Variants in LRRFIP1 observed in about 807,000 individuals in gnomAD.
LRRFIP1 encodes leucine-rich repeat flightless-interacting protein 1.
In LRRFIP1, 62 loss-of-function variants were observed where a neutral mutation model predicts 104.4. That is an observed-to-expected ratio of 0.59 (90% CI 0.48 to 0.73). LRRFIP1 has a LOEUF of 0.73. Among genes scored for constraint, LRRFIP1 ranks in the 30% least tolerant of loss-of-function variants. The pLI, the probability that LRRFIP1 is intolerant of heterozygous loss-of-function variation, is 0.00. For missense variants in LRRFIP1, 796 were observed against 824.5 expected (o/e 0.97, Z 0.42); for synonymous variants, 300 against 299.0 (o/e 1.00, Z -0.03).
At chr2:237,660,565 C>T (rs762203888) in intron 1 of LRRFIP1, among the ~76,000 whole-genome samples, 6 of 152,208 alleles carry the variant, frequency 3.9e-5, no homozygotes, top group Non-Finnish European at 7.3e-5. Context: ...CTGTTTAACC[C>T]GGAAGTTCTA....
chr2:237,739,188 C>T (rs764477299), intron 10 of LRRFIP1, 44 bp from the exon 11 acceptor site: 78 of 1,523,552 alleles, frequency 5.1e-5, no homozygotes. Context: ...TGACCCTGTT[C>T]CTTTGTTTCT....
intron 15 of LRRFIP1, among the ~76,000 whole-genome samples, chr2:237,753,922 T>G (rs997262552): frequency 3.3e-5 from 5 of 152,062 alleles, no homozygotes; most frequent in Non-Finnish European, 5.9e-5. Context: ...TTTTATATTT[T>G]TAAACAATGG....
chr2:237,710,320 G>C (rs1415972549), intron 2 of LRRFIP1, among the ~76,000 whole-genome samples: 1 of 143,702 alleles, frequency 7.0e-6, no homozygotes, highest in Non-Finnish European at 1.5e-5. Flanking sequence ...ATCTTGCTTT[G>C]TCGCCCAGGC....
At chr2:237,746,259 G>A (rs747155386) in intron 11 of LRRFIP1, among the ~76,000 whole-genome samples, 86 of 152,098 alleles carry the variant, frequency 5.7e-4, no homozygotes, top group East Asian at 4.3e-3. Context: ...GGGTTTCGCC[G>A]TGTTGGCCAG....
chr2:237,667,975 A>G (rs2089725236), intron 1 of LRRFIP1, among the ~76,000 whole-genome samples: 1 of 152,034 alleles, frequency 6.6e-6, no homozygotes. Context: ...ATTTGGCTTT[A>G]CAACCCCTGG....
rs2094393884 is a variant in LRRFIP1, at chr2:237,717,710, C to G, written c.202-52C>G. 1 of 1,402,154 alleles carries G rather than the reference C, an allele frequency of 7.1e-7. No individual in the cohort carries two copies. Among genetic ancestry groups the G allele is most frequent in the African/African-American group, 1.4e-5 (1 of 70,666 alleles). 86.9% of individuals were successfully genotyped at this position (1,402,154 alleles called of 1,614,324 possible). A position where few individuals can be genotyped will look rare whatever the true frequency, so the allele number is the denominator to read the frequency against. On this transcript the variant is annotated intron_variant, in intron 3 of 23. Transcript: ENST00000308482. This position sits in a 1 kb window ranked among gnomAD's most constrained non-coding sequence, Gnocchi z 4.2. Reference sequence around the variant, plus strand: ...TCAGAACAGTGCCTTAGACAACTGCCTTTTTAAGAAATTTCACTTCTTGCC... The same window carrying G: ...TCAGAACAGTGCCTTAGACAACTGCGTTTTTAAGAAATTTCACTTCTTGCC...
At chr2:237,770,079 C>T (rs2060491228) in intron 20 of LRRFIP1, 87 bp downstream of exon 20, 3 of 1,057,060 alleles carry the variant, frequency 2.8e-6, no homozygotes, top group Admixed American at 2.0e-5. Flanking sequence ...ACTCAGAAAA[C>T]CCCTAAGTTA....
chr2:237,735,364 C>T lies in LRRFIP1; in HGVS notation c.555+31C>T. 6.2e-7 allele frequency: 1 copy of T among 1,603,856 alleles called. No homozygotes were observed. The highest frequency in any genetic ancestry group is 1.1e-5 in the South Asian group (1 of 90,154). On this transcript the variant is annotated intron_variant, in intron 10 of 23. Coordinates refer to ENST00000308482, the MANE Select transcript of LRRFIP1 (RefSeq NM_001137550.2). The surrounding 1 kb of genome is among the most constrained non-coding windows in gnomAD (Gnocchi z 4.6). ...GCGCTTTCGGTGATACCTCCTTTCC[C>T]CCGTGCCTGCTGCATGGCCTGGGGA... is the stretch of plus-strand genomic sequence containing the variant.
intron 1 of LRRFIP1, among the ~76,000 whole-genome samples, chr2:237,697,029 CT>C (rs947038151): frequency 2.0e-5 from 3 of 151,360 alleles, no homozygotes; most frequent in Admixed American, 2.0e-4. Flanking sequence ...TACTTTCCTT[CT>C]TTTTTTTTAT....
intron 2 of LRRFIP1, 111 bp from the exon 3 acceptor site, chr2:237,714,148 T>G: frequency 1.5e-6 from 1 of 662,818 alleles, no homozygotes; most frequent in Non-Finnish European, 2.6e-6. Context: ...TTTTACTGTA[T>G]TCGTTGTGAC....
intron 10 of LRRFIP1, among the ~76,000 whole-genome samples, chr2:237,737,585 C>T (rs1011663775): frequency 6.6e-6 from 1 of 152,186 alleles, no homozygotes; most frequent in Admixed American, 6.5e-5. Flanking sequence ...TGTGTCTTTG[C>T]ACCATAAACC....
chr2:237,726,285 A>C (rs1381979582), intron 7 of LRRFIP1, among the ~76,000 whole-genome samples: 1 of 152,216 alleles, frequency 6.6e-6, no homozygotes, highest in Non-Finnish European at 1.5e-5. Context: ...GAGTTACAGC[A>C]AAGATAAATA....
chr2:237,632,662 A>G (rs1390218050), intron 1 of LRRFIP1, among the ~76,000 whole-genome samples: 1 of 152,146 alleles, frequency 6.6e-6, no homozygotes, highest in Non-Finnish European at 1.5e-5. Flanking sequence ...CTGTTGGAGA[A>G]CCAAGCTGGG....
At chr2:237,638,316 A>G (rs10929243) in intron 1 of LRRFIP1, among the ~76,000 whole-genome samples, 110,984 of 152,020 alleles carry the variant, frequency 0.73, 41,957 homozygotes, top group African/African-American at 0.93. Flanking sequence ...TAGGTTTCGC[A>G]CTCTTAAGAG....
At chr2:237,704,656 A>T (rs985764029) in intron 1 of LRRFIP1, among the ~76,000 whole-genome samples, 3 of 152,188 alleles carry the variant, frequency 2.0e-5, no homozygotes, top group African/African-American at 7.2e-5. Context: ...TATTGCCAGC[A>T]CTTTGTTTTC....
intron 1 of LRRFIP1, among the ~76,000 whole-genome samples, chr2:237,632,329 A>G (rs1167242636): frequency 6.6e-6 from 1 of 152,180 alleles, no homozygotes; most frequent in African/African-American, 2.4e-5. Flanking sequence ...GATGCAACCA[A>G]TTCTGTGGTA....
At chr2:237,684,916 G>A (rs935597589) in intron 1 of LRRFIP1, among the ~76,000 whole-genome samples, 7 of 108,780 alleles carry the variant, frequency 6.4e-5, no homozygotes, top group African/African-American at 1.7e-4. Context: ...CTGAAACCCT[G>A]TCTCTGAAAA....
intron 1 of LRRFIP1, among the ~76,000 whole-genome samples, chr2:237,677,124 C>T (rs2091258031): frequency 1.3e-5 from 2 of 152,196 alleles, no homozygotes; most frequent in African/African-American, 4.8e-5. Context: ...GTGCAGCCAG[C>T]ACCACCAGCC....
intron 11 of LRRFIP1, among the ~76,000 whole-genome samples, chr2:237,745,515 A>G (rs758108737): frequency 1.3e-5 from 2 of 152,146 alleles, no homozygotes; most frequent in African/African-American, 2.4e-5. Context: ...CCCTTATTTG[A>G]TATTTTACAA....
Sources: allele counts gnomAD v4.1 joint callset (sites outside exome capture counted in the v4.1 genomes callset), GRCh38; gene constraint gnomAD v4.1.1; non-coding constraint Gnocchi (gnomAD v3.1); transcripts MANE v1.5; gene names NCBI Gene and HGNC (gene_info 2026-07-23, HGNC 2026-07-21).